The following COL27A1 variants were observed in gnomAD, a reference collection of about 807,000 sequenced individuals.
COL27A1 encodes the protein collagen alpha-1(XXVII) chain.
COL27A1 carries 106 observed loss-of-function variants against 251.3 expected under a neutral mutation model. That is an observed-to-expected ratio of 0.42 (90% CI 0.36 to 0.50). The LOEUF (loss-of-function observed/expected upper bound fraction) is 0.50. COL27A1 is among the 20% of genes least tolerant of loss of function. COL27A1 has a pLI of 0.00. For missense variants in COL27A1, 2,325 were observed against 2,522.8 expected (o/e 0.92, Z 1.68); for synonymous variants, 1,000 against 986.3 (o/e 1.01, Z -0.26).
intron 23 of COL27A1, among the ~76,000 whole-genome samples, chr9:114,245,482 A>T (rs1413104502): frequency 6.6e-6 from 1 of 152,120 alleles, no homozygotes; most frequent in African/African-American, 2.4e-5. Context: ...AACCGGGCAG[A>T]CCAAGGTTTC....
At chr9:114,296,195 G>A (rs1158933717) in intron 49 of COL27A1, among the ~76,000 whole-genome samples, 2 of 152,170 alleles carry the variant, frequency 1.3e-5, no homozygotes, top group Non-Finnish European at 2.9e-5. Flanking sequence ...AAAAGAAAAT[G>A]TGATAAATCA....
chr9:114,293,961 G>A (rs1408048281), intron 49 of COL27A1, among the ~76,000 whole-genome samples: 1 of 152,056 alleles, frequency 6.6e-6, no homozygotes, highest in African/African-American at 2.4e-5. Flanking sequence ...AATAACGGCT[G>A]GGCGCGGTGG....
chr9:114,172,094 A>G (rs1464709691), intron 3 of COL27A1, among the ~76,000 whole-genome samples: 1 of 152,144 alleles, frequency 6.6e-6, no homozygotes, highest in Non-Finnish European at 1.5e-5. Flanking sequence ...GCCCCATGCT[A>G]TCCCCTGTCC....
intron 40 of COL27A1, 149 bp downstream of exon 40, chr9:114,283,911 G>A (rs776449079): frequency 4.0e-5 from 32 of 799,666 alleles, no homozygotes; most frequent in Non-Finnish European, 6.5e-5. Flanking sequence ...CCCAGGGAGC[G>A]CTGGGCCCAG....
intron 1 of COL27A1, among the ~76,000 whole-genome samples, chr9:114,158,088 G>A (rs1053599898): frequency 7.9e-5 from 12 of 152,200 alleles, no homozygotes; most frequent in African/African-American, 2.7e-4. Context: ...AGGCATAGCC[G>A]TCTGGGCACA....
chr9:114,289,414 C>T lies in COL27A1; in HGVS notation c.4206+119C>T, dbSNP rs368416955. On this transcript the variant is annotated intron_variant, in intron 45 of 60. Transcript: ENST00000356083. Reference sequence around the variant, plus strand: ...GGCTGCGAGGCAGGGTAGGGAGGGGCGGCCCACCAGGAGCCCGGCAGGCTG... The same window carrying T: ...GGCTGCGAGGCAGGGTAGGGAGGGGTGGCCCACCAGGAGCCCGGCAGGCTG... 233 of 977,816 alleles carry T rather than the reference C, an allele frequency of 2.4e-4. 1 individual carries two copies. In the South Asian group the frequency reaches 3.5e-3, roughly 15 times the overall value. 60.6% of individuals were successfully genotyped at this position (977,816 alleles called of 1,614,324 possible).
intron 2 of COL27A1, among the ~76,000 whole-genome samples, chr9:114,164,172 A>G (rs907190870): frequency 6.6e-6 from 1 of 152,172 alleles, no homozygotes; most frequent in Non-Finnish European, 1.5e-5. Flanking sequence ...CCCCCTCTAT[A>G]AAGTGAGGAT....
chr9:114,178,953 C>G (rs4978570), intron 4 of COL27A1, among the ~76,000 whole-genome samples: 59,794 of 152,024 alleles, frequency 0.39, 12,487 homozygotes, highest in East Asian at 0.59. Context: ...TGAGATCATT[C>G]TCATTTTAGA....
chr9:114,250,635 T>C lies in COL27A1; in HGVS notation c.3000T>C (p.Gly1000=). 6.2e-7 allele frequency: 1 copy of C among 1,612,214 alleles called. No homozygotes were observed. The highest frequency in any genetic ancestry group is 1.1e-5 in the South Asian group (1 of 91,066). The part of the protein sequence containing the change: ...VGEQGFMGFI[G]LVGEPGIVGE... ...CATAGGGATTTATGGGATTCATTGG[T>C]CTGGTCGGGGAGCCAGGAATCGTGG... Residue 1000 remains glycine, a synonymous_variant, in exon 25 of 61, where the codon GGT becomes GGC. Coordinates refer to ENST00000356083, the MANE Select transcript of COL27A1 (RefSeq NM_032888.4).
At chr9:114,307,081 A>G (rs1397917915) in intron 58 of COL27A1, 2 of 201,000 alleles carry the variant, frequency 1.0e-5, no homozygotes, top group Non-Finnish European at 2.0e-5. Flanking sequence ...CTGAGTTCCA[A>G]TGTCAGTTCT....
chr9:114,178,354 C>T lies in COL27A1; in HGVS notation c.1962+10C>T. On this transcript the variant is annotated intron_variant, in intron 4 of 60. Transcript: ENST00000356083. ...TGCACGTGGGCCTCGGGTGAGTTATCTCACACTGTCCTTTGGAACTCTTGG... is the reference window on the plus strand; with the variant it reads ...TGCACGTGGGCCTCGGGTGAGTTATTTCACACTGTCCTTTGGAACTCTTGG... 6.2e-7 allele frequency: 1 copy of T among 1,613,648 alleles called. No homozygotes were observed. Among genetic ancestry groups the T allele is most frequent in the South Asian group, 1.1e-5 (1 of 91,036 alleles).
chr9:114,301,658 ACT>A (rs1828647242), intron 54 of COL27A1, 22 bp from the exon 55 acceptor site: 1 of 1,596,050 alleles, frequency 6.3e-7, no homozygotes, highest in Admixed American at 1.7e-5. Flanking sequence ...ACCAGGGCTC[ACT>A]CTTCTTCTCT....
In COL27A1 at chr9:114,156,008, G is replaced by C. The variant is rs765624148; in HGVS notation, c.58G>C (p.Gly20Arg). The C allele has an allele frequency of 1.2e-5, 15 of 1,296,934 alleles. No homozygotes were observed. In the South Asian group the frequency reaches 1.6e-4, roughly 14 times the overall value. 80.3% of individuals were successfully genotyped at this position (1,296,934 alleles called of 1,614,324 possible). A position where few individuals can be genotyped will look rare whatever the true frequency, so the allele number is the denominator to read the frequency against. ...CACAGCGGCGGCGGCGGCGGCGCGC[G>C]GGGGGTGAGTACGAACTCGGGGACG... ...RGTAAAAAAR[G>R]GGFLFSWILV... The change falls in exon 1 of 61, where the codon GGG (glycine) becomes CGG (arginine). Residue 20 changes from glycine (G) to arginine (R), a missense_variant. Gly to Arg is a moderately radical substitution (Grantham distance 125). This residue lies in a region of COL27A1 where 1,183 missense variants were observed against 1,144.1 expected (regional missense o/e 1.03). Transcript: ENST00000356083.
At chr9:114,162,848 A>G (rs1003721562) in intron 2 of COL27A1, 63 bp downstream of exon 2, 95 of 1,195,524 alleles carry the variant, frequency 7.9e-5, no homozygotes, top group Non-Finnish European at 1.1e-4. Flanking sequence ...CTGAGAACTC[A>G]GGGGTAGGAG....
chr9:114,232,653 C>T (rs529078860), intron 16 of COL27A1, among the ~76,000 whole-genome samples: 3 of 152,316 alleles, frequency 2.0e-5, no homozygotes, highest in South Asian at 4.1e-4. Flanking sequence ...CAGGTGACAC[C>T]GCACCTGTCT....
chr9:114,169,362 C>T lies in COL27A1; in HGVS notation c.1807C>T (p.Arg603Trp), dbSNP rs774381208. The T allele has an allele frequency of 4.0e-5, 64 of 1,611,614 alleles. No homozygotes were observed. The East Asian group carries it at 6.5e-4, about 16-fold the overall frequency. ...APAQFLSSSP[R>W]PTSSGYSIFH... ...GGCGCAATTCCTGTCCTCCAGCCCC[C>T]GGCCCACGAGCAGTGGCTATTCGAT... is the stretch of plus-strand genomic sequence containing the variant. The change falls in exon 3 of 61, where the codon CGG becomes TGG. Residue 603 changes from arginine to tryptophan, a missense_variant. By Grantham distance (101) the Arg-to-Trp change is moderately radical. This residue lies in a region of COL27A1 where 1,183 missense variants were observed against 1,144.1 expected (regional missense o/e 1.03). Coordinates refer to ENST00000356083, the MANE Select transcript of COL27A1 (RefSeq NM_032888.4).
At chr9:114,228,145 C>T (rs12353056) in intron 14 of COL27A1, among the ~76,000 whole-genome samples, 1,949 of 152,272 alleles carry the variant, frequency 0.013, 48 homozygotes, top group African/African-American at 0.045. Context: ...GCTGAGGCAG[C>T]GAGTGGGACC....
chr9:114,154,945 A>G (rs1289093039), upstream of COL27A1, among the ~76,000 whole-genome samples: 1 of 151,904 alleles, frequency 6.6e-6, no homozygotes, highest in Non-Finnish European at 1.5e-5. The surrounding 1 kb of genome is among the most constrained non-coding windows in gnomAD (Gnocchi z 5.8). Flanking sequence ...ATGGGATCCG[A>G]GGGAGTTTTT....
At chr9:114,283,654 T>C in intron 39 of COL27A1, 55 bp from the exon 40 acceptor site, 1 of 1,537,778 alleles carries the variant, frequency 6.5e-7, no homozygotes, top group Non-Finnish European at 9.0e-7. Flanking sequence ...GAGACTGCTG[T>C]GTCCCCGCTG....
Sources: allele counts gnomAD v4.1 joint callset (sites outside exome capture counted in the v4.1 genomes callset), GRCh38; gene constraint gnomAD v4.1.1; regional missense constraint gnomAD v4.1.1; non-coding constraint Gnocchi (gnomAD v3.1); transcripts MANE v1.5; gene names NCBI Gene and HGNC (gene_info 2026-07-23, HGNC 2026-07-21).